The following SGCD variants were observed in gnomAD, a reference collection of about 807,000 sequenced individuals.
SGCD encodes sarcoglycan delta.
In SGCD, 18 loss-of-function variants were observed where a neutral mutation model predicts 36.6. The observed-to-expected ratio is 0.49, with a 90% CI of 0.34 to 0.73. SGCD has a LOEUF of 0.73. Among genes scored for constraint, SGCD ranks in the 30% least tolerant of loss-of-function variants. SGCD has a pLI of 0.01. For missense variants in SGCD, 387 were observed against 346.7 expected, an observed-to-expected ratio of 1.12 and a Z score of -0.92; for synonymous variants, 133 against 130.6, an observed-to-expected ratio of 1.02 and a Z score of -0.12.
intron 7 of SGCD, among the ~76,000 whole-genome samples, chr5:156,735,677 A>C (rs1391837845): frequency 6.6e-6 from 1 of 152,114 alleles, no homozygotes; most frequent in Non-Finnish European, 1.5e-5. Flanking sequence ...GCTGGCTGGA[A>C]TTCCAACCCA....
chr5:156,003,239 C>T (rs1758696802), intron 1 of SGCD, among the ~76,000 whole-genome samples: 1 of 152,156 alleles, frequency 6.6e-6, no homozygotes, highest in South Asian at 2.1e-4. Context: ...TTCTGCCTTC[C>T]CCATTAACCT....
At position 156,630,975 on chromosome 5, in the gene SGCD, A is replaced by G. The variant is rs191274059; in HGVS notation, c.503-16489A>G. Among the ~76,000 whole-genome samples, 3 of 152,322 alleles carry G rather than the reference A, an allele frequency of 2.0e-5. No homozygotes were observed. In the East Asian group the frequency reaches 5.8e-4, roughly 29 times the overall value. ...AAACAAAAGGAGGGCTAAATAAACT[A>G]ACAAACAGAGAAACAAATAAATGAG... On this transcript the variant is annotated intron_variant, in intron 6 of 8. Coordinates refer to ENST00000337851, the MANE Select transcript of SGCD (RefSeq NM_000337.6).
intron 1 of SGCD, among the ~76,000 whole-genome samples, chr5:155,891,986 G>A (rs1170100505): frequency 2.0e-5 from 3 of 152,092 alleles, no homozygotes; most frequent in Non-Finnish European, 4.4e-5. Context: ...TCCTGCAGAA[G>A]GTACATTTAC....
chr5:156,207,314 T>C lies in SGCD; in HGVS notation c.-44+83295T>C, dbSNP rs562690076. Among the ~76,000 whole-genome samples, 16 of 152,300 alleles carry C rather than the reference T, an allele frequency of 1.1e-4. No individual in the cohort carries two copies. The East Asian group carries it at 3.1e-3, about 29-fold the overall frequency. On this transcript the variant is annotated intron_variant, in intron 3 of 9. Coordinates refer to the SGCD transcript ENST00000517913. ...TCAGTAAAATGGCATGGAGAGTTCA[T>C]GTTTTTGGGGGCCCAGCACTGTACT...
In SGCD at chr5:156,183,518, G is replaced by A. The variant is rs1005685677; in HGVS notation, c.-44+59499G>A. Among the ~76,000 whole-genome samples, 22 of 151,942 alleles carry A rather than the reference G, an allele frequency of 1.4e-4. 1 individual carries two copies. The highest frequency in any genetic ancestry group is 2.9e-4 in the Non-Finnish European group (20 of 67,996). On this transcript the variant is annotated intron_variant, in intron 3 of 9. Coordinates refer to the SGCD transcript ENST00000517913. ...CACCTCCAGGGTTAAAGTGATACTC[G>A]TGCCTCAGCCTCCCAAGTAGCTAGG...
At chr5:156,444,102 CTCTCTCTCTCTCT>C (rs1753639016) in intron 3 of SGCD, among the ~76,000 whole-genome samples, 7 of 115,738 alleles carry the variant, frequency 6.0e-5, no homozygotes, top group African/African-American at 2.8e-4. Context: ...CTCTCTCTCT[CTCTCTCTCTCTCT>C]CCCCTTCCCT....
At chr5:156,081,125 A>G (rs566100821) in intron 1 of SGCD, among the ~76,000 whole-genome samples, 28 of 152,328 alleles carry the variant, frequency 1.8e-4, no homozygotes, top group African/African-American at 5.8e-4. Context: ...GCATACAATT[A>G]TGGTGGAAGG....
intron 1 of SGCD, among the ~76,000 whole-genome samples, chr5:156,013,543 A>C (rs1325536056): frequency 6.6e-6 from 1 of 152,130 alleles, no homozygotes; most frequent in African/African-American, 2.4e-5. Context: ...AAATATTGTC[A>C]GTTTAATAAT....
intron 6 of SGCD, among the ~76,000 whole-genome samples, chr5:156,618,692 A>AC (rs1762113290): frequency 6.6e-6 from 1 of 151,812 alleles, no homozygotes; most frequent in African/African-American, 2.4e-5. Flanking sequence ...AGCATAAGCT[A>AC]CAGTGGTTCG....
At chr5:155,792,825 A>G in the SGCD span, among the ~76,000 whole-genome samples, 3 of 152,246 alleles carry the variant, frequency 2.0e-5, no homozygotes, top group South Asian at 2.1e-4. Flanking sequence ...TAGTTCAGCC[A>G]TTGTGGAAAG....
At chr5:155,791,219 T>A in the SGCD span, among the ~76,000 whole-genome samples, 202 of 152,120 alleles carry the variant, frequency 1.3e-3, no homozygotes, top group Non-Finnish European at 2.5e-3. Context: ...AGGGCTACAG[T>A]TATGGGAAAG....
At chr5:156,218,341 G>A (rs573261170) in intron 3 of SGCD, among the ~76,000 whole-genome samples, 1 of 152,008 alleles carries the variant, frequency 6.6e-6, no homozygotes, top group Non-Finnish European at 1.5e-5. Context: ...CTCTTTGGGG[G>A]AAAAAAGAGA....
chr5:155,738,472 T>C, the SGCD span, among the ~76,000 whole-genome samples: 47 of 152,342 alleles, frequency 3.1e-4, no homozygotes, highest in African/African-American at 1.1e-3. Flanking sequence ...AAATGATACA[T>C]CTTGGGGACT....
chr5:156,533,980 ACTTTT>A (rs112947957), intron 4 of SGCD, among the ~76,000 whole-genome samples: 18,562 of 152,014 alleles, frequency 0.12, 1,280 homozygotes, highest in Admixed American at 0.17. Flanking sequence ...TAGGTTGAAG[ACTTTT>A]CTTTTATCTC....
chr5:155,876,138 C>T (rs6866337), intron 1 of SGCD, among the ~76,000 whole-genome samples: 4,955 of 150,074 alleles, frequency 0.033, 279 homozygotes, highest in African/African-American at 0.11. Context: ...CATGCTGGTG[C>T]GCTGCACCCA....
chr5:156,614,386 TG>T (rs1761947767), intron 6 of SGCD, among the ~76,000 whole-genome samples: 1 of 152,196 alleles, frequency 6.6e-6, no homozygotes, highest in Non-Finnish European at 1.5e-5. Flanking sequence ...CTTCTATCAG[TG>T]GACTCTTTTC....
intron 4 of SGCD, among the ~76,000 whole-genome samples, chr5:156,548,444 A>G (rs1200953605): frequency 2.0e-5 from 3 of 152,344 alleles, no homozygotes; most frequent in East Asian, 1.9e-4. Context: ...AAAACATCCA[A>G]AAGGAAAATT....
intron 4 of SGCD, among the ~76,000 whole-genome samples, chr5:156,539,688 T>G (rs980372590): frequency 6.6e-6 from 1 of 152,162 alleles, no homozygotes; most frequent in Non-Finnish European, 1.5e-5. Flanking sequence ...GTTCCATATT[T>G]TTTCCAATTG....
chr5:156,716,600 A>G (rs576840731), intron 7 of SGCD, among the ~76,000 whole-genome samples: 2 of 152,372 alleles, frequency 1.3e-5, no homozygotes, highest in African/African-American at 4.8e-5. Context: ...TGCTAGGCAT[A>G]TAGTAACCAC....
Sources: allele counts gnomAD v4.1 joint callset (sites outside exome capture counted in the v4.1 genomes callset), GRCh38; gene constraint gnomAD v4.1.1; transcripts MANE v1.5; gene names NCBI Gene and HGNC (gene_info 2026-07-23, HGNC 2026-07-21).